The following SPEGNB variants were observed in gnomAD, a reference collection of about 807,000 sequenced individuals.
SPEGNB encodes the protein SPEG neighbor protein.
In SPEGNB, 12 loss-of-function variants were observed where a neutral mutation model predicts 18.3. That is an observed-to-expected ratio of 0.65 (90% CI 0.42 to 1.06). The LOEUF is 1.06. Among genes scored for constraint, SPEGNB ranks in the 50% least tolerant of loss-of-function variants. The probability of loss-of-function intolerance (pLI) is 0.00; values close to 1 mark genes in which losing one functional copy is unlikely to be tolerated. For missense variants in SPEGNB, 273 were observed against 329.3 expected (o/e 0.83, Z 1.32); for synonymous variants, 113 against 138.8 (o/e 0.81, Z 1.31).
At chr2:219,498,002 C>T (rs1428111726) in intron 4 of SPEGNB, 49 bp from the exon 5 acceptor site, 13 of 1,286,252 alleles carry the variant, frequency 1.0e-5, no homozygotes, top group Non-Finnish European at 1.3e-5. Flanking sequence ...GCCCAGTGCG[C>T]CCGTGTACTG....
intron 1 of SPEGNB, 24 bp from the exon 2 acceptor site, chr2:219,496,331 C>T (rs1575215345): frequency 8.3e-7 from 1 of 1,209,654 alleles, no homozygotes; most frequent in African/African-American, 1.6e-5. Context: ...ACCTGGACCC[C>T]CATATTTGTC....
At position 219,498,225 on chromosome 2, in the gene SPEGNB, C is replaced by T; in HGVS notation, c.*36C>T. 1 of 1,290,448 alleles carries T rather than the reference C, an allele frequency of 7.7e-7. No homozygotes were observed. The allele number at this position is 1,290,448 out of a possible 1,614,324, so 79.9% of individuals were successfully genotyped here. The stretch of plus-strand genomic sequence containing the variant: ...CGGACCTTCCGCCCTGGCGCCGAGC[C>T]CGGGGGTGGTGGGACCCACAGCCCT... On this transcript the variant is annotated 3_prime_UTR_variant, in exon 5 of 5. Transcript: ENST00000651166.
chr2:219,497,723 C>T lies in SPEGNB; in HGVS notation c.440C>T (p.Pro147Leu). 1 of 1,303,746 alleles carries T rather than the reference C, an allele frequency of 7.7e-7. No homozygotes were observed. Among genetic ancestry groups the T allele is most frequent in the Non-Finnish European group, 1.0e-6 (1 of 988,514 alleles). The allele number at this position is 1,303,746 out of a possible 1,614,324, so 80.8% of individuals were successfully genotyped here. ...CGCTCCCCTTTCCTTCCGCTAGTCCCGACGAAGATTCAAAAGGGACCCGAC... is the reference window on the plus strand; with the variant it reads ...CGCTCCCCTTTCCTTCCGCTAGTCCTGACGAAGATTCAAAAGGGACCCGAC... ...SDSARILVEVPTKIQKGPDNT... is the reference protein window; with the variant it reads ...SDSARILVEVLTKIQKGPDNT... Residue 147 changes from proline to leucine, a missense_variant, in exon 4 of 5, where the codon CCG becomes CTG. By Grantham distance (98) the Pro-to-Leu change is moderately conservative. Transcript: ENST00000651166.
At chr2:219,496,313 C>T (rs1160298488) in intron 1 of SPEGNB, 42 bp from the exon 2 acceptor site, 1 of 1,168,562 alleles carries the variant, frequency 8.6e-7, no homozygotes. Context: ...GTGGGAGCCT[C>T]TGTCTCAACC....
rs1409894851 is a variant in SPEGNB at position 219,498,157 on chromosome 2, G to C, written c.685G>C (p.Asp229His). 4 of 1,304,172 alleles carry C rather than the reference G, an allele frequency of 3.1e-6. No homozygotes were observed. The highest frequency in any genetic ancestry group is 4.0e-6 in the Non-Finnish European group (4 of 988,952). The allele number at this position is 1,304,172 out of a possible 1,614,324, so 80.8% of individuals were successfully genotyped here. A position where few individuals can be genotyped will look rare whatever the true frequency, so the allele number is the denominator to read the frequency against. ...GTACGTGGAGAACAGCCTGGGCATG[G>C]ACCAGAGCTTCGCTCGCGTCGACGT... is the stretch of plus-strand genomic sequence containing the variant. ...EVYVENSLGM[D>H]QSFARVDVA Residue 229 changes from aspartate (D) to histidine (H), a missense_variant, in exon 5 of 5, where the codon GAC (aspartate) becomes CAC (histidine). Coordinates refer to ENST00000651166, the MANE Select transcript of SPEGNB (RefSeq NM_001286811.2).
In SPEGNB at chr2:219,496,978, T is replaced by G; in HGVS notation, c.298T>G (p.Tyr100Asp). 7.7e-7 allele frequency: 1 copy of G among 1,303,548 alleles called. No individual in the cohort carries two copies. Among genetic ancestry groups the G allele is most frequent in the Non-Finnish European group, 1.0e-6 (1 of 988,200 alleles). 80.7% of individuals were successfully genotyped at this position (1,303,548 alleles called of 1,614,324 possible). ...DGKELRDGPK[Y>D]RYVFEDPDVV... ...CAAGGAGCTACGTGACGGTCCCAAG[T>G]ACCGCTACGTCTTCGAGGACCCTGA... Residue 100 changes from tyrosine (Y) to aspartate (D), a missense_variant, in exon 3 of 5, where the codon TAC (tyrosine) becomes GAC (aspartate). Transcript: ENST00000651166.
In SPEGNB at chr2:219,498,042, C is replaced by G. The variant is rs1312836221; in HGVS notation, c.579-9C>G. The G allele has an allele frequency of 1.3e-5, 17 of 1,299,842 alleles. No individual in the cohort carries two copies. Among genetic ancestry groups the G allele is most frequent in the Non-Finnish European group, 1.7e-5 (17 of 986,456 alleles). 80.5% of individuals were successfully genotyped at this position (1,299,842 alleles called of 1,614,324 possible). ...CGGCTCCGCCCTCCTCCCCGCCGCC[C>G]TTCCGCAGGGTGTTCTTCGAGATCG... On this transcript the variant is annotated splice_polypyrimidine_tract_variant and intron_variant, in intron 4 of 4. Coordinates refer to ENST00000651166, the MANE Select transcript of SPEGNB (RefSeq NM_001286811.2).
At chr2:219,496,286 G>C in intron 1 of SPEGNB, 69 bp downstream of exon 1, 15 of 1,136,558 alleles carry the variant, frequency 1.3e-5, no homozygotes, top group Non-Finnish European at 1.7e-5. Context: ...TCTGACCAGG[G>C]AGGAAAAGGG....
chr2:219,497,759 C>T lies in SPEGNB; in HGVS notation c.476C>T (p.Ala159Val), dbSNP rs1392566732. 12 of 1,304,184 alleles carry T rather than the reference C, an allele frequency of 9.2e-6. No individual in the cohort carries two copies. Among genetic ancestry groups the T allele is most frequent in the African/African-American group, 3.0e-5 (2 of 65,836 alleles). 80.8% of individuals were successfully genotyped at this position (1,304,184 alleles called of 1,614,324 possible). A position where few individuals can be genotyped will look rare whatever the true frequency, so the allele number is the denominator to read the frequency against. The change falls in exon 4 of 5, where the codon GCG (alanine) becomes GTG (valine). Residue 159 changes from alanine to valine, a missense_variant. By Grantham distance (64) the Ala-to-Val change is moderately conservative. Transcript: ENST00000651166. ...CAAAAGGGACCCGACAACACTAAGGCGCGCAAAGGCACCACCGTGACGCTG... is the reference window on the plus strand; with the variant it reads ...CAAAAGGGACCCGACAACACTAAGGTGCGCAAAGGCACCACCGTGACGCTG... ...KIQKGPDNTK[A>V]RKGTTVTLTA...
At position 219,497,788 on chromosome 2, in the gene SPEGNB, G is replaced by A; in HGVS notation, c.505G>A (p.Ala169Thr). 7.7e-7 allele frequency: 1 copy of A among 1,304,344 alleles called. No individual in the cohort carries two copies. Among genetic ancestry groups the A allele is most frequent in the South Asian group, 1.2e-5 (1 of 81,016 alleles). The allele number at this position is 1,304,344 out of a possible 1,614,324, so 80.8% of individuals were successfully genotyped here. The change falls in exon 4 of 5, where the codon GCG becomes ACG. Residue 169 changes from alanine (A) to threonine (T), a missense_variant. By Grantham distance (58) the Ala-to-Thr change is moderately conservative. Coordinates refer to ENST00000651166, the MANE Select transcript of SPEGNB (RefSeq NM_001286811.2). The stretch of plus-strand genomic sequence containing the variant: ...CAAAGGCACCACCGTGACGCTGACT[G>A]CGGAGATCCTGGGAGAGCCTGCGCC... ...ARKGTTVTLT[A>T]EILGEPAPDV...
chr2:219,497,502 C>A, intron 3 of SPEGNB: 1 of 473,082 alleles, frequency 2.1e-6, no homozygotes, highest in Non-Finnish European at 3.4e-6. Context: ...CCCGCCTTAT[C>A]TCTCTTGATC....
chr2:219,497,850 G>C lies in SPEGNB; in HGVS notation c.567G>C (p.Glu189Asp). 2 of 1,304,234 alleles carry C rather than the reference G, an allele frequency of 1.5e-6. No individual in the cohort carries two copies. Among genetic ancestry groups the C allele is most frequent in the Non-Finnish European group, 2.0e-6 (2 of 988,880 alleles). The allele number at this position is 1,304,234 out of a possible 1,614,324, so 80.8% of individuals were successfully genotyped here. A position where few individuals can be genotyped will look rare whatever the true frequency, so the allele number is the denominator to read the frequency against. The change falls in exon 4 of 5, where the codon GAG (glutamate) becomes GAC (aspartate). Residue 189 changes from glutamate (E) to aspartate (D), a missense_variant. Transcript: ENST00000651166. ...VGWTKDGEDI[E>D]EDDRVFFEIG... ...GGACCAAGGACGGGGAGGACATCGA[G>C]GAGGATGACAGGCGAGGGCCGGGAC...
chr2:219,497,122 C>G lies in SPEGNB; in HGVS notation c.436+6C>G. On this transcript the variant is annotated splice_donor_region_variant and intron_variant, in intron 3 of 4. Transcript: ENST00000651166. ...GGCGCGCATCCTCGTGGAAGGTACG[C>G]GCGCCCCGGGCGCAGCGCCAGGGCG... The G allele has an allele frequency of 8.4e-7, 1 of 1,193,866 alleles. No homozygotes were observed. The highest frequency in any genetic ancestry group is 1.1e-6 in the Non-Finnish European group (1 of 932,028). The allele number at this position is 1,193,866 out of a possible 1,614,324, so 74.0% of individuals were successfully genotyped here.
rs1249606681 is a variant in SPEGNB, at chr2:219,497,949, G to A, written c.578+88G>A. 8 of 1,280,982 alleles carry A rather than the reference G, an allele frequency of 6.2e-6. No homozygotes were observed. In the African/African-American group the frequency reaches 1.1e-4, roughly 17 times the overall value. 79.4% of individuals were successfully genotyped at this position (1,280,982 alleles called of 1,614,324 possible). ...CAGAAATCTGGCTGGAGTGACGGGG[G>A]CGGGGACTGGGCAGCGAGGAACAGA... On this transcript the variant is annotated intron_variant, in intron 4 of 4. Transcript: ENST00000651166.
Position 219,498,039 on chromosome 2 carries a change from G to A in SPEGNB, c.579-12G>A. The A allele has an allele frequency of 7.7e-7, 1 of 1,298,618 alleles. No homozygotes were observed. Among genetic ancestry groups the A allele is most frequent in the Non-Finnish European group, 1.0e-6 (1 of 985,790 alleles). 80.4% of individuals were successfully genotyped at this position (1,298,618 alleles called of 1,614,324 possible). A position where few individuals can be genotyped will look rare whatever the true frequency, so the allele number is the denominator to read the frequency against. On this transcript the variant is annotated splice_polypyrimidine_tract_variant and intron_variant, in intron 4 of 4. Transcript: ENST00000651166. ...CCACGGCTCCGCCCTCCTCCCCGCC[G>A]CCCTTCCGCAGGGTGTTCTTCGAGA...
chr2:219,496,862 A>G lies in SPEGNB; in HGVS notation c.182A>G (p.Lys61Arg), dbSNP rs1380674214. 1 of 1,270,118 alleles carries G rather than the reference A, an allele frequency of 7.9e-7. No individual in the cohort carries two copies. 78.7% of individuals were successfully genotyped at this position (1,270,118 alleles called of 1,614,324 possible). A position where few individuals can be genotyped will look rare whatever the true frequency, so the allele number is the denominator to read the frequency against. ...CCGCCGCGGGTGCTGGAGCCGCTGAAGGACGTGGTGCTGATCGAAGGCAGC... is the reference window on the plus strand; with the variant it reads ...CCGCCGCGGGTGCTGGAGCCGCTGAGGGACGTGGTGCTGATCGAAGGCAGC... ...KGPPRVLEPLKDVVLIEGSAA... is the reference protein window; with the variant it reads ...KGPPRVLEPLRDVVLIEGSAA... Residue 61 changes from lysine (K) to arginine (R), a missense_variant, in exon 3 of 5, where the codon AAG (lysine) becomes AGG (arginine). Transcript: ENST00000651166.
At chr2:219,497,997 G>A in intron 4 of SPEGNB, 54 bp from the exon 5 acceptor site, 1 of 1,273,990 alleles carries the variant, frequency 7.8e-7, no homozygotes, top group Non-Finnish European at 1.0e-6. Context: ...GCCCCGCCCA[G>A]TGCGCCCGTG....
Position 219,496,829 on chromosome 2 carries a change from A to G in SPEGNB, c.149A>G (p.Glu50Gly), listed in dbSNP as rs1384236370. 1.6e-6 allele frequency: 2 copies of G among 1,248,740 alleles called. No individual in the cohort carries two copies. Among genetic ancestry groups the G allele is most frequent in the South Asian group, 2.7e-5 (2 of 73,320 alleles). The allele number at this position is 1,248,740 out of a possible 1,614,324, so 77.4% of individuals were successfully genotyped here. A position where few individuals can be genotyped will look rare whatever the true frequency, so the allele number is the denominator to read the frequency against. The change falls in exon 3 of 5, where the codon GAG (glutamate) becomes GGG (glycine). Residue 50 changes from glutamate to glycine, a missense_variant. Glu to Gly is a moderately conservative substitution (Grantham distance 98). Coordinates refer to ENST00000651166, the MANE Select transcript of SPEGNB (RefSeq NM_001286811.2). ...RGHRSRKELR[E>G]KGPPRVLEPL... The stretch of plus-strand genomic sequence containing the variant: ...GGTAGGTCCCGGAAGGAGCTGCGCG[A>G]GAAGGGGCCGCCGCGGGTGCTGGAG...
rs1694240030 is a variant in SPEGNB at position 219,497,047 on chromosome 2, G to T, written c.367G>T (p.Gly123Cys). 10 of 1,289,508 alleles carry T rather than the reference G, an allele frequency of 7.8e-6. No homozygotes were observed. The highest frequency in any genetic ancestry group is 2.3e-5 in the Admixed American group (1 of 43,032). The allele number at this position is 1,289,508 out of a possible 1,614,324, so 79.9% of individuals were successfully genotyped here. ...GCGCGACGGCGAGCTGGCAGACCTGGGCCAGTACAGCATCAACGTCACCAA... is the reference window on the plus strand; with the variant it reads ...GCGCGACGGCGAGCTGGCAGACCTGTGCCAGTACAGCATCAACGTCACCAA... ...VVRDGELADL[G>C]QYSINVTNPF... Residue 123 changes from glycine (G) to cysteine (C), a missense_variant, in exon 3 of 5, where the codon GGC becomes TGC. Transcript: ENST00000651166.
Sources: allele counts gnomAD v4.1 joint callset, GRCh38; gene constraint gnomAD v4.1.1; transcripts MANE v1.5; gene names NCBI Gene and HGNC (gene_info 2026-07-23, HGNC 2026-07-21).